Variants in CELF2 observed in about 807,000 individuals in gnomAD.
The protein encoded by CELF2 is CUGBP Elav-like family member 2.
CELF2 carries 8 observed loss-of-function variants against 62.6 expected under a neutral mutation model. The observed-to-expected ratio is 0.13, with a 90% CI of 0.07 to 0.23. The LOEUF is 0.23. CELF2 is among the 10% of genes least tolerant of loss of function. The probability of loss-of-function intolerance (pLI) is 1.00; values close to 1 mark genes in which losing one functional copy is unlikely to be tolerated. For synonymous variants in CELF2, 258 were observed against 250.0 expected, an observed-to-expected ratio of 1.03 and a Z score of -0.30; for missense variants, 333 against 671.0, an observed-to-expected ratio of 0.50 and a Z score of 5.56.
chr10:10,565,411 GA>G, the CELF2 span, among the ~76,000 whole-genome samples: 2 of 152,224 alleles, frequency 1.3e-5, no homozygotes, highest in African/African-American at 4.8e-5. Flanking sequence ...AGGTAGAGAA[GA>G]AACATGCAGA....
chr10:11,107,855 ATCCCTTCTACCATCTCC>A (rs769782341), intron 1 of CELF2, among the ~76,000 whole-genome samples: 23,755 of 78,238 alleles, frequency 0.3, 3,433 homozygotes, highest in Middle Eastern at 0.36. Flanking sequence ...ATTTCTCCCC[ATCCCTTCTACCATCTCC>A]TCCCTTCTCC....
chr10:11,017,051 G>C (rs1040841783), upstream of CELF2, among the ~76,000 whole-genome samples: 1 of 152,212 alleles, frequency 6.6e-6, no homozygotes, highest in African/African-American at 2.4e-5. This position sits in a 1 kb window ranked among gnomAD's most constrained non-coding sequence, Gnocchi z 5.5. Context: ...TGTCACCTTA[G>C]AAACGAATTA....
chr10:11,103,188 T>C lies in CELF2; in HGVS notation c.75-62298T>C, dbSNP rs143242119. 1.6e-4 allele frequency among the ~76,000 whole-genome samples: 25 copies of C among 152,238 alleles called. 1 individual carries two copies. The East Asian group carries it at 4.4e-3, about 27-fold the overall frequency. On this transcript the variant is annotated intron_variant, in intron 1 of 12. Coordinates refer to ENST00000633077, the MANE Select transcript of CELF2 (RefSeq NM_001326342.2). Reference sequence around the variant, plus strand: ...CCAGCTAGTCACCCATTTATCAGAATTCGAAAAAAATCCACGCTTTGCCAG... The same window carrying C: ...CCAGCTAGTCACCCATTTATCAGAACTCGAAAAAAATCCACGCTTTGCCAG...
intron 1 of CELF2, among the ~76,000 whole-genome samples, chr10:10,872,914 T>C (rs1205050977): frequency 1.3e-5 from 2 of 152,124 alleles, no homozygotes; most frequent in African/African-American, 4.8e-5. Context: ...TCTTGTCTCA[T>C]GGGACGCTGG....
At chr10:10,750,036 C>T in the CELF2 span, among the ~76,000 whole-genome samples, 1 of 152,202 alleles carries the variant, frequency 6.6e-6, no homozygotes, top group Non-Finnish European at 1.5e-5. Flanking sequence ...GTAATCTCAG[C>T]ACTTTGGGAG....
At chr10:10,863,929 A>T (rs936074594) in intron 1 of CELF2, among the ~76,000 whole-genome samples, 2 of 152,222 alleles carry the variant, frequency 1.3e-5, no homozygotes, top group African/African-American at 4.8e-5. Flanking sequence ...TTACTTTCAC[A>T]TTAGCTCTAT....
chr10:10,943,369 T>C (rs2047261902), intron 2 of CELF2, among the ~76,000 whole-genome samples: 1 of 152,142 alleles, frequency 6.6e-6, no homozygotes, highest in Admixed American at 6.5e-5. Flanking sequence ...AGTTGACCTC[T>C]GGAAGGAAAA....
chr10:10,786,036 T>A, the CELF2 span, among the ~76,000 whole-genome samples: 1 of 151,990 alleles, frequency 6.6e-6, no homozygotes, highest in Non-Finnish European at 1.5e-5. Context: ...AAAAACTAAT[T>A]TAAAAAAAAT....
At chr10:10,468,450 G>C in the CELF2 span, among the ~76,000 whole-genome samples, 1 of 151,974 alleles carries the variant, frequency 6.6e-6, no homozygotes, top group Non-Finnish European at 1.5e-5. Flanking sequence ...TCAAAGAAAT[G>C]CTTCAGAATC....
chr10:10,697,707 T>C, the CELF2 span, among the ~76,000 whole-genome samples: 1 of 152,132 alleles, frequency 6.6e-6, no homozygotes, highest in African/African-American at 2.4e-5. Context: ...ATGAATCTCA[T>C]TCTTGAGGGC....
chr10:10,596,792 A>C, the CELF2 span, among the ~76,000 whole-genome samples: 10 of 152,098 alleles, frequency 6.6e-5, no homozygotes, highest in Non-Finnish European at 1.3e-4. Flanking sequence ...TTCTCTTTTC[A>C]AGTTGAAACA....
intron 1 of CELF2, among the ~76,000 whole-genome samples, chr10:11,113,685 T>C (rs1414723577): frequency 6.6e-6 from 1 of 152,212 alleles, no homozygotes; most frequent in East Asian, 1.9e-4. Context: ...GGCTAGGTTC[T>C]TGAGAATCCC....
chr10:11,243,159 C>T lies in CELF2; in HGVS notation c.355-5994C>T, dbSNP rs770197720. On this transcript the variant is annotated intron_variant, in intron 3 of 12. Coordinates refer to ENST00000633077, the MANE Select transcript of CELF2 (RefSeq NM_001326342.2). The surrounding 1 kb of genome is among the most constrained non-coding windows in gnomAD (Gnocchi z 4.1). ...GCATAGGACGCTGATTCTTAGTACA[C>T]AGCAGCAACAGAGCTTCAGCAGATG... Among the ~76,000 whole-genome samples the T allele has an allele frequency of 2.0e-5, 3 of 152,122 alleles. No individual in the cohort carries two copies. Among genetic ancestry groups the T allele is most frequent in the Non-Finnish European group, 4.4e-5 (3 of 68,018 alleles).
At chr10:10,918,138 C>T (rs889376106) in intron 1 of CELF2, among the ~76,000 whole-genome samples, 13 of 152,096 alleles carry the variant, frequency 8.5e-5, no homozygotes, top group South Asian at 2.1e-4. Flanking sequence ...GTGTATATGT[C>T]GGTCTCAAAT....
intron 1 of CELF2, among the ~76,000 whole-genome samples, chr10:11,050,524 C>T (rs1452581337): frequency 6.6e-6 from 1 of 152,186 alleles, no homozygotes; most frequent in African/African-American, 2.4e-5. Context: ...GCAGCTCCTG[C>T]TGCTGGTGGG....
the CELF2 span, among the ~76,000 whole-genome samples, chr10:10,717,023 G>A: frequency 6.6e-6 from 1 of 152,212 alleles, no homozygotes; most frequent in African/African-American, 2.4e-5. Context: ...CAGGGACTCA[G>A]TGGGATCATA....
intron 1 of CELF2, among the ~76,000 whole-genome samples, chr10:11,099,903 CAG>C (rs1359159534): frequency 6.0e-5 from 8 of 132,916 alleles, no homozygotes; most frequent in Non-Finnish European, 1.3e-4. Context: ...AAAAAAAAAA[CAG>C]AAAAAACAGC....
chr10:10,605,575 G>A, the CELF2 span, among the ~76,000 whole-genome samples: 2 of 152,236 alleles, frequency 1.3e-5, no homozygotes, highest in Non-Finnish European at 2.9e-5. Flanking sequence ...GTGCGTGGTT[G>A]AACCTGTGGT....
the CELF2 span, among the ~76,000 whole-genome samples, chr10:10,690,464 G>A: frequency 1.3e-5 from 2 of 152,138 alleles, no homozygotes; most frequent in African/African-American, 4.8e-5. Flanking sequence ...AAAATACAGT[G>A]AGTGCCAAAA....
Sources: gnomAD v4.1 joint callset for allele counts (sites outside exome capture counted in the v4.1 genomes callset) on GRCh38, gnomAD v4.1.1 for gene constraint, Gnocchi (gnomAD v3.1) non-coding constraint, MANE v1.5 for transcripts, NCBI Gene and HGNC (gene_info 2026-07-23, HGNC 2026-07-21) for gene names.